TASP1: variants seen among roughly 807,000 people sequenced by gnomAD.
TASP1 encodes the protein threonine aspartase 1.
A neutral mutation model predicts 56.6 loss-of-function variants in TASP1; 16 were observed. The ratio of observed to expected loss-of-function variants is 0.28; its 90% CI spans 0.19 to 0.43. TASP1 has a LOEUF of 0.43. Among genes scored for constraint, TASP1 ranks in the 20% least tolerant of loss-of-function variants. The pLI, the probability that TASP1 is intolerant of heterozygous loss-of-function variation, is 1.00. For synonymous variants in TASP1, 179 were observed against 184.2 expected, an observed-to-expected ratio of 0.97 and a Z score of 0.23; for missense variants, 393 against 511.6, an observed-to-expected ratio of 0.77 and a Z score of 2.24.
chr20:13,557,572 G>GTTTT (rs972801507), intron 8 of TASP1, among the ~76,000 whole-genome samples: 19 of 99,736 alleles, frequency 1.9e-4, no homozygotes, highest in African/African-American at 6.1e-4. Flanking sequence ...GATGTTTTTG[G>GTTTT]TTTTTTTTTT....
At chr20:13,294,275 CA>C in the TASP1 span, among the ~76,000 whole-genome samples, 2 of 152,178 alleles carry the variant, frequency 1.3e-5, no homozygotes, top group Non-Finnish European at 2.9e-5. Context: ...TTTGGAAATT[CA>C]GTGTCGCTAG....
At chr20:13,374,190 T>C in the TASP1 span, among the ~76,000 whole-genome samples, 5 of 152,186 alleles carry the variant, frequency 3.3e-5, no homozygotes, top group Non-Finnish European at 7.4e-5. Context: ...TGAGCATATT[T>C]ATAATGGCTA....
chr20:13,612,894 G>A (rs1275558224), intron 4 of TASP1, among the ~76,000 whole-genome samples: 2 of 152,072 alleles, frequency 1.3e-5, no homozygotes, highest in Non-Finnish European at 2.9e-5. Flanking sequence ...ACTACATCCA[G>A]GACTTGCCCC....
chr20:13,359,956 A>G, the TASP1 span, among the ~76,000 whole-genome samples: 1 of 151,986 alleles, frequency 6.6e-6, no homozygotes, highest in East Asian at 1.9e-4. Flanking sequence ...CCAATATCCC[A>G]TCCTGCAGCA....
chr20:13,309,703 G>C, the TASP1 span, among the ~76,000 whole-genome samples: 6 of 151,972 alleles, frequency 3.9e-5, no homozygotes, highest in African/African-American at 1.2e-4. Context: ...AAATCCTAAA[G>C]GCTCCACCAA....
intron 12 of TASP1, among the ~76,000 whole-genome samples, chr20:13,421,953 CTTT>C (rs1179688722): frequency 2.9e-5 from 4 of 139,024 alleles, no homozygotes; most frequent in Non-Finnish European, 4.6e-5. Context: ...TCTGTTTAAC[CTTT>C]TTTTTTTTTT....
intron 13 of TASP1, chr20:13,393,582 C>A: frequency 3.2e-6 from 3 of 932,908 alleles, no homozygotes; most frequent in Non-Finnish European, 5.2e-6. Flanking sequence ...CCTCAACAAC[C>A]ACCTTGTCAA....
chr20:13,321,438 T>C, the TASP1 span, among the ~76,000 whole-genome samples: 2,132 of 152,132 alleles, frequency 0.014, 47 homozygotes, highest in African/African-American at 0.049. Flanking sequence ...TAAGAGGGGA[T>C]TGTCGCTTGG....
At chr20:13,330,494 C>T in the TASP1 span, among the ~76,000 whole-genome samples, 21 of 152,014 alleles carry the variant, frequency 1.4e-4, no homozygotes, top group African/African-American at 4.4e-4. Context: ...CTTGTAGTGG[C>T]GTTAATTTTG....
At chr20:13,135,141 T>C in the TASP1 span, among the ~76,000 whole-genome samples, 1 of 152,236 alleles carries the variant, frequency 6.6e-6, no homozygotes, top group African/African-American at 2.4e-5. Flanking sequence ...ATAACTGCTA[T>C]CCCTTAGGAT....
the TASP1 span, among the ~76,000 whole-genome samples, chr20:13,122,914 T>C: frequency 3.3e-5 from 5 of 152,168 alleles, no homozygotes; most frequent in African/African-American, 4.8e-5. Context: ...CACACAACCT[T>C]AGAATGTAAC....
In TASP1 at chr20:13,576,399, C is replaced by CAAAGAAAGAA. The variant is rs1568603526; in HGVS notation, c.488+4497_488+4498insTTCTTTCTTT. On this transcript the variant is annotated intron_variant, in intron 6 of 13. Coordinates refer to ENST00000337743, the MANE Select transcript of TASP1 (RefSeq NM_017714.3). ...AAAGAAAGAAAGAAAGAAAGAAAGT[C>CAAAGAAAGAA]AGTCTTATGGAATCTATAAAAATGG... 5.8e-5 allele frequency among the ~76,000 whole-genome samples: 8 copies of CAAAGAAAGAA among 138,118 alleles called. No homozygotes were observed. In the East Asian group the frequency reaches 8.9e-4, roughly 15 times the overall value. 90.6% of individuals were successfully genotyped at this position (138,118 alleles called of 152,430 possible).
chr20:13,270,079 C>A, the TASP1 span, among the ~76,000 whole-genome samples: 1 of 152,166 alleles, frequency 6.6e-6, no homozygotes, highest in Non-Finnish European at 1.5e-5. Flanking sequence ...TTGGTCAGAT[C>A]TTTTGCTCCA....
intron 10 of TASP1, among the ~76,000 whole-genome samples, chr20:13,512,609 G>A (rs2044377027): frequency 6.6e-6 from 1 of 152,142 alleles, no homozygotes; most frequent in Admixed American, 6.6e-5. Flanking sequence ...AGTTTAATTA[G>A]ATCCCATTTG....
chr20:13,577,854 C>T (rs1440790845), intron 6 of TASP1, among the ~76,000 whole-genome samples: 3 of 152,186 alleles, frequency 2.0e-5, no homozygotes, highest in Non-Finnish European at 2.9e-5. Context: ...AAATGTTTCT[C>T]TCCTTTTTTC....
At chr20:13,194,746 T>C in the TASP1 span, among the ~76,000 whole-genome samples, 1 of 152,172 alleles carries the variant, frequency 6.6e-6, no homozygotes, top group Non-Finnish European at 1.5e-5. Flanking sequence ...ATCTTGTTCT[T>C]ATCTCAGCCA....
the TASP1 span, among the ~76,000 whole-genome samples, chr20:13,137,112 A>C: frequency 6.6e-6 from 1 of 152,268 alleles, no homozygotes; most frequent in Non-Finnish European, 1.5e-5. Flanking sequence ...GTTCCTCTTC[A>C]ATCTGGGCTT....
At chr20:13,233,793 T>C in the TASP1 span, among the ~76,000 whole-genome samples, 3 of 152,126 alleles carry the variant, frequency 2.0e-5, no homozygotes, top group Admixed American at 6.5e-5. Context: ...ATTGCCCAAA[T>C]GTTCACTAGG....
intron 11 of TASP1, among the ~76,000 whole-genome samples, chr20:13,445,334 T>G (rs1425490438): frequency 1.3e-5 from 2 of 152,200 alleles, no homozygotes; most frequent in Non-Finnish European, 2.9e-5. Context: ...TTAAAAAGTT[T>G]AACACAGGGA....
Sources: gnomAD v4.1 joint callset for allele counts (sites outside exome capture counted in the v4.1 genomes callset) on GRCh38, gnomAD v4.1.1 for gene constraint, MANE v1.5 for transcripts, NCBI Gene and HGNC (gene_info 2026-07-23, HGNC 2026-07-21) for gene names.